PDE4D: variants seen among roughly 807,000 people sequenced by gnomAD.
PDE4D encodes 3',5'-cyclic-AMP phosphodiesterase 4D.
A neutral mutation model predicts 87.4 loss-of-function variants in PDE4D; 24 were observed. That is an observed-to-expected ratio of 0.27 (90% CI 0.20 to 0.39). The LOEUF (loss-of-function observed/expected upper bound fraction) is 0.39. Ranked by LOEUF, PDE4D falls within the 10% of genes least tolerant of loss-of-function variation. The probability of loss-of-function intolerance (pLI) is 1.00; values close to 1 mark genes in which losing one functional copy is unlikely to be tolerated. For missense variants in PDE4D, 714 were observed against 1,041.0 expected (o/e 0.69, Z 4.32); for synonymous variants, 384 against 383.2 (o/e 1.00, Z -0.02).
chr5:59,768,082 C>G (rs1226885530), intron 1 of PDE4D, among the ~76,000 whole-genome samples: 1 of 152,162 alleles, frequency 6.6e-6, no homozygotes, highest in Non-Finnish European at 1.5e-5. Context: ...CTTGCCCTGA[C>G]TTGGACATTT....
chr5:59,012,876 A>T (rs1238597202), intron 6 of PDE4D, among the ~76,000 whole-genome samples: 2 of 152,242 alleles, frequency 1.3e-5, no homozygotes, highest in African/African-American at 4.8e-5. Context: ...CATCACAGTT[A>T]TTCCAAAACT....
chr5:59,306,649 C>A (rs138331542), intron 1 of PDE4D, among the ~76,000 whole-genome samples: 2 of 151,696 alleles, frequency 1.3e-5, no homozygotes, highest in South Asian at 2.1e-4. Context: ...ATCCAACTTA[C>A]AAGCAACATG....
At chr5:59,185,490 C>A (rs1742690910) in intron 3 of PDE4D, among the ~76,000 whole-genome samples, 1 of 152,186 alleles carries the variant, frequency 6.6e-6, no homozygotes. Context: ...CACATGGTGA[C>A]AGTAGCAGCA....
At chr5:59,521,082 G>A (rs1452141985) in intron 1 of PDE4D, among the ~76,000 whole-genome samples, 1 of 151,102 alleles carries the variant, frequency 6.6e-6, no homozygotes, top group African/African-American at 2.4e-5. Context: ...TATATTTCAA[G>A]GGTGATTAAG....
rs576932733 is a variant in PDE4D, at chr5:59,024,673, C to T, written c.921+14186G>A. ...AAGATTTAGGCCCAAACATTATCTT[C>T]TGGCATAAAGTAAACTAATCGTTTC... On this transcript the variant is annotated intron_variant, in intron 6 of 14. Coordinates refer to ENST00000340635, the MANE Select transcript of PDE4D (RefSeq NM_001104631.2). Among the ~76,000 whole-genome samples the T allele has an allele frequency of 6.7e-4, 102 of 152,190 alleles. 2 individuals are homozygous for T. In the South Asian group the frequency reaches 0.015, roughly 22 times the overall value.
intron 2 of PDE4D, among the ~76,000 whole-genome samples, chr5:59,991,171 AT>A (rs1363315152): frequency 6.6e-6 from 1 of 152,122 alleles, no homozygotes; most frequent in Non-Finnish European, 1.5e-5. Context: ...GAGGATAGAA[AT>A]TTTATCCCCT....
chr5:59,885,999 C>T (rs1313677561), intron 1 of PDE4D, among the ~76,000 whole-genome samples: 2 of 152,138 alleles, frequency 1.3e-5, no homozygotes, highest in Admixed American at 6.5e-5. Context: ...AAAATAATCA[C>T]TAACTCTGTG....
chr5:60,261,739 A>C (rs1013732235), intron 1 of PDE4D, among the ~76,000 whole-genome samples: 7 of 152,142 alleles, frequency 4.6e-5, no homozygotes, highest in African/African-American at 1.7e-4. Context: ...TCCTCCTGTA[A>C]GTACTAGTCA....
intron 1 of PDE4D, among the ~76,000 whole-genome samples, chr5:59,224,287 CACACAT>C (rs1431696824): frequency 4.7e-5 from 6 of 127,474 alleles, no homozygotes; most frequent in South Asian, 2.4e-4. Flanking sequence ...GTCATACACA[CACACAT>C]ACACACACAC....
chr5:60,210,065 CT>C (rs1743012770), intron 1 of PDE4D, among the ~76,000 whole-genome samples: 1 of 152,120 alleles, frequency 6.6e-6, no homozygotes, highest in Non-Finnish European at 1.5e-5. Context: ...GAGATCCATA[CT>C]AACTTAGAAT....
At chr5:60,071,362 TA>T (rs1772699513) in intron 2 of PDE4D, among the ~76,000 whole-genome samples, 1 of 152,088 alleles carries the variant, frequency 6.6e-6, no homozygotes, top group Admixed American at 6.6e-5. Context: ...CACAGCCATC[TA>T]AAAGAATAAA....
At chr5:59,193,454 T>C (rs1744763575) in intron 3 of PDE4D, 46 bp downstream of exon 3, 3 of 1,569,104 alleles carry the variant, frequency 1.9e-6, no homozygotes, top group Non-Finnish European at 2.6e-6. Context: ...CCAAATTAAA[T>C]TTTTACATCT....
intron 1 of PDE4D, among the ~76,000 whole-genome samples, chr5:59,843,264 G>T (rs1411327832): frequency 6.6e-6 from 1 of 151,810 alleles, no homozygotes; most frequent in Non-Finnish European, 1.5e-5. Context: ...TAGCCATCTT[G>T]CCATGAATTA....
chr5:59,418,934 GTCAC>G (rs756962560), intron 1 of PDE4D, among the ~76,000 whole-genome samples: 7 of 152,166 alleles, frequency 4.6e-5, no homozygotes, highest in Non-Finnish European at 7.4e-5. Context: ...ATGGGTGTGA[GTCAC>G]TCACTGCACC....
intron 1 of PDE4D, among the ~76,000 whole-genome samples, chr5:59,667,210 A>G (rs1274980484): frequency 1.3e-5 from 2 of 152,084 alleles, no homozygotes; most frequent in African/African-American, 4.8e-5. Context: ...CACTAGGCTT[A>G]CCCCACTTCC....
chr5:60,353,898 T>A (rs1460369217), intron 1 of PDE4D, among the ~76,000 whole-genome samples: 1 of 152,178 alleles, frequency 6.6e-6, no homozygotes, highest in African/African-American at 2.4e-5. Flanking sequence ...ACATAGTGTC[T>A]AATCCACTAT....
intron 1 of PDE4D, among the ~76,000 whole-genome samples, chr5:60,423,709 G>C (rs1336412965): frequency 6.6e-6 from 1 of 151,206 alleles, no homozygotes; most frequent in South Asian, 2.1e-4. Flanking sequence ...GAGAACTGAA[G>C]GAGATAGAGA....
chr5:59,225,741 A>G (rs75556470), intron 1 of PDE4D, among the ~76,000 whole-genome samples: 1,982 of 147,336 alleles, frequency 0.013, 37 homozygotes, highest in East Asian at 0.057. Flanking sequence ...TGCAAACCAT[A>G]TATCTGATAT....
intron 1 of PDE4D, among the ~76,000 whole-genome samples, chr5:59,662,880 A>G (rs149408830): frequency 6.6e-6 from 1 of 152,314 alleles, no homozygotes; most frequent in East Asian, 1.9e-4. Context: ...TGTAAATTGC[A>G]GCTATTTCTA....
Sources: allele counts gnomAD v4.1 joint callset (sites outside exome capture counted in the v4.1 genomes callset), GRCh38; gene constraint gnomAD v4.1.1; transcripts MANE v1.5; gene names NCBI Gene and HGNC (gene_info 2026-07-23, HGNC 2026-07-21).